The following UGT2A1 variants were observed in gnomAD, a reference collection of about 807,000 sequenced individuals.
UGT2A1 encodes the protein UDP glucuronosyltransferase family 2 member A1 complex locus.
A neutral mutation model predicts 45.4 loss-of-function variants in UGT2A1; 61 were observed. The observed-to-expected ratio is 1.34, with a 90% CI of 1.09 to 1.66. The LOEUF (loss-of-function observed/expected upper bound fraction) is 1.66, where lower values mean the gene tolerates loss of function less well. UGT2A1 is among the 40% of genes most tolerant of loss of function. The pLI, the probability that UGT2A1 is intolerant of heterozygous loss-of-function variation, is 0.00. For synonymous variants in UGT2A1, 229 were observed against 196.2 expected (o/e 1.17, Z -1.40); for missense variants, 649 against 574.3 (o/e 1.13, Z -1.33).
intron 2 of UGT2A1, among the ~76,000 whole-genome samples, chr4:69,644,229 T>A (rs769984789): frequency 6.6e-6 from 1 of 151,658 alleles, no homozygotes; most frequent in East Asian, 1.9e-4. Context: ...CAGCATTAAC[T>A]TACAGGCAAA....
intron 3 of UGT2A1, among the ~76,000 whole-genome samples, chr4:69,619,617 TA>T (rs1248897681): frequency 6.6e-6 from 1 of 151,914 alleles, no homozygotes; most frequent in African/African-American, 2.4e-5. Context: ...GTGTGAAACT[TA>T]AACACATTCT....
At chr4:69,640,756 G>A (rs1258500622) in intron 2 of UGT2A1, among the ~76,000 whole-genome samples, 1 of 151,878 alleles carries the variant, frequency 6.6e-6, no homozygotes, top group African/African-American at 2.4e-5. Flanking sequence ...ACAAGAGAGA[G>A]AAGTGATGGT....
At chr4:69,596,903 A>G (rs1158439) in intron 4 of UGT2A1, among the ~76,000 whole-genome samples, 121,518 of 152,134 alleles carry the variant, frequency 0.8, 48,741 homozygotes, top group African/African-American at 0.87. Context: ...TCCAAGCATG[A>G]AAGCAAAACC....
intron 3 of UGT2A1, among the ~76,000 whole-genome samples, chr4:69,624,536 CT>C (rs914045975): frequency 1.3e-4 from 20 of 150,792 alleles, no homozygotes; most frequent in Admixed American, 2.0e-4. Context: ...CTTTTTTGTT[CT>C]TTTTTTCTTT....
Position 69,647,518 on chromosome 4 carries a change from G to A in UGT2A1, c.127C>T (p.Leu43Phe). ...GTCACATTATGCTCCTTTTTAATGA[G>A]CTCATCTATAATTATCTTAACATTT... is the stretch of plus-strand genomic sequence containing the variant. Reference protein sequence around the residue: ...WLNVKIIIDELIKKEHNVTVL... With the variant: ...WLNVKIIIDEFIKKEHNVTVL... Residue 43 changes from leucine (L) to phenylalanine (F), a missense_variant, in exon 2 of 7, where the codon CTC (leucine) becomes TTC (phenylalanine). Leu to Phe is a conservative substitution (Grantham distance 22, BLOSUM62 0). Coordinates refer to ENST00000286604, the MANE Select transcript of UGT2A1 (RefSeq NM_001252275.3). 6.2e-7 allele frequency: 1 copy of A among 1,612,892 alleles called. No homozygotes were observed. Among genetic ancestry groups the A allele is most frequent in the Non-Finnish European group, 8.5e-7 (1 of 1,179,286 alleles).
chr4:69,614,436 C>T lies in UGT2A1; in HGVS notation c.848-15042G>A, dbSNP rs143345421. ...TTCATTGCAATCCCTATCAAAAGAC[C>T]AATAAAATTCTTCACAAATTAAAAA... On this transcript the variant is annotated intron_variant, in intron 3 of 6. Transcript: ENST00000286604. Among the ~76,000 whole-genome samples the T allele has an allele frequency of 5.6e-3, 775 of 138,948 alleles. 9 individuals are homozygous for T. The highest frequency in any genetic ancestry group is 0.019 in the African/African-American group (708 of 36,386). The allele number at this position is 138,948 out of a possible 152,430, so 91.2% of individuals were successfully genotyped here.
At chr4:69,614,408 A>T (rs1720248677) in intron 3 of UGT2A1, among the ~76,000 whole-genome samples, 1 of 151,870 alleles carries the variant, frequency 6.6e-6, no homozygotes, top group African/African-American at 2.4e-5. Context: ...AACAAGTTAC[A>T]GATTCATTGC....
At position 69,647,396 on chromosome 4, in the gene UGT2A1, T is replaced by C. The variant is rs1349182008; in HGVS notation, c.249A>G (p.Ile83Met). 4 of 1,613,086 alleles carry C rather than the reference T, an allele frequency of 2.5e-6. No individual in the cohort carries two copies. The Admixed American group carries it at 5.0e-5, about 20-fold the overall frequency. Residue 83 changes from isoleucine (I) to methionine (M), a missense_variant, in exon 2 of 7, where the codon ATA (isoleucine) becomes ATG (methionine). Transcript: ENST00000286604. Reference protein sequence around the residue: ...IYKVPFGKERIEGVIKDFVLT... With the variant: ...IYKVPFGKERMEGVIKDFVLT... ...AAACGAAGTCCTTAATTACTCCTTC[T>C]ATTCTTTCTTTGCCAAAGGGCACCT... is the stretch of plus-strand genomic sequence containing the variant.
At chr4:69,625,928 C>T (rs1215405601) in intron 3 of UGT2A1, among the ~76,000 whole-genome samples, 1 of 151,456 alleles carries the variant, frequency 6.6e-6, no homozygotes, top group Non-Finnish European at 1.5e-5. Flanking sequence ...TTTAGAATTG[C>T]AACACAAACT....
chr4:69,601,746 A>AGCTGGTG (rs376517060), intron 3 of UGT2A1, among the ~76,000 whole-genome samples: 5 of 139,816 alleles, frequency 3.6e-5, no homozygotes, highest in Admixed American at 1.4e-4. Flanking sequence ...GCTGGTATCC[A>AGCTGGTG]CTGATGGGAG....
chr4:69,599,233 G>A lies in UGT2A1; in HGVS notation c.996+13C>T, dbSNP rs1203559876. ...TATGAAGAGCATAAAATCCTCCACTGTTGTAGACCTACCTTAGGTAAAGGT... is the reference window on the plus strand; with the variant it reads ...TATGAAGAGCATAAAATCCTCCACTATTGTAGACCTACCTTAGGTAAAGGT... On this transcript the variant is annotated intron_variant, in intron 4 of 6. Transcript: ENST00000286604. The A allele has an allele frequency of 6.2e-7, 1 of 1,611,578 alleles. No homozygotes were observed. Among genetic ancestry groups the A allele is most frequent in the Non-Finnish European group, 8.5e-7 (1 of 1,179,302 alleles).
At chr4:69,611,146 GT>G (rs1339521659) in intron 3 of UGT2A1, among the ~76,000 whole-genome samples, 1 of 151,556 alleles carries the variant, frequency 6.6e-6, no homozygotes, top group East Asian at 1.9e-4. Context: ...TTGGGTTTTT[GT>G]TTTTGTTTTA....
chr4:69,646,052 T>G (rs1722245078), intron 2 of UGT2A1, among the ~76,000 whole-genome samples: 1 of 151,878 alleles, frequency 6.6e-6, no homozygotes, highest in African/African-American at 2.4e-5. Flanking sequence ...CTCTACATTT[T>G]GTATTTTGTA....
At chr4:69,599,593 A>C in intron 3 of UGT2A1, 199 bp from the exon 4 acceptor site, 1 of 736,238 alleles carries the variant, frequency 1.4e-6, no homozygotes, top group Non-Finnish European at 1.9e-6. Flanking sequence ...GGAAGAAAAG[A>C]AGGAAGGAAG....
At chr4:69,627,890 T>C (rs1446896442) in intron 3 of UGT2A1, among the ~76,000 whole-genome samples, 2 of 152,016 alleles carry the variant, frequency 1.3e-5, no homozygotes, top group Non-Finnish European at 2.9e-5. Flanking sequence ...TAAAAAATAC[T>C]AAAATATTAT....
rs1046450031 is a variant in UGT2A1, at chr4:69,629,295, T to A, written c.847+6396A>T. Among the ~76,000 whole-genome samples the A allele has an allele frequency of 2.6e-5, 4 of 152,094 alleles. No homozygotes were observed. In the South Asian group the frequency reaches 8.3e-4, roughly 32 times the overall value. ...CATTCAGGAGGTGTACTGCAAAGTG[T>A]TTACTTTGCAGGTCTGGATTTCTCA... On this transcript the variant is annotated intron_variant, in intron 3 of 6. Coordinates refer to ENST00000286604, the MANE Select transcript of UGT2A1 (RefSeq NM_001252275.3).
intron 1 of UGT2A1, 74 bp downstream of exon 1, chr4:69,653,114 T>C (rs1462496651): frequency 6.6e-6 from 1 of 152,204 alleles, no homozygotes; most frequent in Non-Finnish European, 1.5e-5. Context: ...TTGATATTTC[T>C]TTAAGAAGAG....
chr4:69,642,068 G>GTGAT (rs1722071315), intron 2 of UGT2A1, among the ~76,000 whole-genome samples: 1 of 151,624 alleles, frequency 6.6e-6, no homozygotes, highest in African/African-American at 2.4e-5. Flanking sequence ...CAGACCACAA[G>GTGAT]TGATAGGCTA....
chr4:69,648,929 C>T (rs1324448604), intron 1 of UGT2A1, among the ~76,000 whole-genome samples: 1 of 152,010 alleles, frequency 6.6e-6, no homozygotes, highest in Non-Finnish European at 1.5e-5. Flanking sequence ...AAATGTATCA[C>T]GTCCCCTTAC....
Sources: allele counts gnomAD v4.1 joint callset (sites outside exome capture counted in the v4.1 genomes callset), GRCh38; gene constraint gnomAD v4.1.1; transcripts MANE v1.5; gene names NCBI Gene and HGNC (gene_info 2026-07-23, HGNC 2026-07-21).